PRKD1: variants seen among roughly 807,000 people sequenced by gnomAD.
The protein encoded by PRKD1 is serine/threonine-protein kinase D1.
Under a neutral mutation model 95.9 loss-of-function variants are expected in PRKD1, and 63 were observed. The ratio of observed to expected loss-of-function variants is 0.66; its 90% CI spans 0.54 to 0.81. The LOEUF is 0.81. Among genes scored for constraint, PRKD1 ranks in the 30% least tolerant of loss-of-function variants. The pLI, the probability that PRKD1 is intolerant of heterozygous loss-of-function variation, is 0.00. For missense variants in PRKD1, 1,048 were observed against 1,165.3 expected (o/e 0.90, Z 1.47); for synonymous variants, 425 against 423.1 (o/e 1.00, Z -0.05).
intron 1 of PRKD1, among the ~76,000 whole-genome samples, chr14:29,890,661 C>G (rs953262307): frequency 1.3e-5 from 2 of 151,936 alleles, no homozygotes; most frequent in Non-Finnish European, 2.9e-5. Context: ...TAATACATTC[C>G]AAGCATATTC....
At chr14:29,913,279 C>G (rs559785896) in intron 1 of PRKD1, among the ~76,000 whole-genome samples, 1 of 152,280 alleles carries the variant, frequency 6.6e-6, no homozygotes, top group South Asian at 2.1e-4. Flanking sequence ...TTTTACCTTT[C>G]TCCTTAAATG....
intron 1 of PRKD1, among the ~76,000 whole-genome samples, chr14:29,841,088 G>A (rs1024302409): frequency 5.9e-5 from 9 of 152,152 alleles, no homozygotes; most frequent in African/African-American, 1.4e-4. Context: ...TCTTTTGGCC[G>A]ATTTCTCTCA....
intron 1 of PRKD1, among the ~76,000 whole-genome samples, chr14:29,775,316 G>A (rs1364958577): frequency 6.6e-6 from 1 of 152,190 alleles, no homozygotes; most frequent in Non-Finnish European, 1.5e-5. Context: ...AGTGGGTGCA[G>A]CCCACCGAAT....
At chr14:29,879,423 C>T (rs1893424113) in intron 1 of PRKD1, among the ~76,000 whole-genome samples, 1 of 152,158 alleles carries the variant, frequency 6.6e-6, no homozygotes, top group East Asian at 1.9e-4. Context: ...CTCTTGCTGC[C>T]ACCACGTAAG....
intron 1 of PRKD1, among the ~76,000 whole-genome samples, chr14:29,871,986 A>G (rs1372618510): frequency 6.6e-6 from 1 of 152,250 alleles, no homozygotes; most frequent in Non-Finnish European, 1.5e-5. Context: ...ATTCACCTGC[A>G]TATATGGAAA....
At chr14:29,914,866 G>T (rs181386079) in intron 1 of PRKD1, among the ~76,000 whole-genome samples, 2 of 151,520 alleles carry the variant, frequency 1.3e-5, no homozygotes, top group African/African-American at 4.9e-5. Flanking sequence ...TCCGCCTCCC[G>T]GGTTCACGCC....
At position 29,577,292 on chromosome 14, in the gene PRKD1, A is replaced by G; in HGVS notation, c.2685T>C (p.Pro895=). Residue 895 remains proline, a synonymous_variant, in exon 18 of 18, where the codon CCT becomes CCC. Transcript: ENST00000331968. ...INPSASHSDT[P]ETEETEMKAL... is the part of the protein sequence containing the mutation. Reference sequence around the variant, plus strand: ...CTTTCATTTCTGTTTCTTCAGTCTCAGGAGTGTCACTGTGGCTAGCACTTG... The same window carrying G: ...CTTTCATTTCTGTTTCTTCAGTCTCGGGAGTGTCACTGTGGCTAGCACTTG... The G allele has an allele frequency of 6.2e-7, 1 of 1,613,832 alleles. No homozygotes were observed. Among genetic ancestry groups the G allele is most frequent in the Admixed American group, 1.7e-5 (1 of 59,966 alleles).
chr14:29,605,553 C>A (rs1893675022), intron 13 of PRKD1, among the ~76,000 whole-genome samples: 1 of 152,150 alleles, frequency 6.6e-6, no homozygotes, highest in Admixed American at 6.5e-5. Context: ...TCTTGGATGT[C>A]TCTCTACTCT....
chr14:29,829,501 G>A (rs1223800002), intron 1 of PRKD1, among the ~76,000 whole-genome samples: 1 of 152,142 alleles, frequency 6.6e-6, no homozygotes, highest in East Asian at 1.9e-4. Context: ...TTTTGATGAT[G>A]TGCTTTTTAA....
intron 4 of PRKD1, among the ~76,000 whole-genome samples, chr14:29,650,013 C>T (rs1281073573): frequency 6.6e-6 from 1 of 152,202 alleles, no homozygotes; most frequent in Non-Finnish European, 1.5e-5. Flanking sequence ...ATACACTTCC[C>T]TGCTTCCAGC....
intron 4 of PRKD1, among the ~76,000 whole-genome samples, chr14:29,647,046 C>T (rs563148478): frequency 6.6e-6 from 1 of 152,030 alleles, no homozygotes; most frequent in South Asian, 2.1e-4. Flanking sequence ...TAATCAACAC[C>T]TTTTCACAAC....
intron 2 of PRKD1, among the ~76,000 whole-genome samples, chr14:29,692,645 AC>A (rs1208684226): frequency 6.6e-6 from 1 of 152,022 alleles, no homozygotes; most frequent in Non-Finnish European, 1.5e-5. Flanking sequence ...ATTACAGGAA[AC>A]ATTATGTACC....
At position 29,702,268 on chromosome 14, in the gene PRKD1, G is replaced by C. The variant is rs2139330076; in HGVS notation, c.403+23268C>G. Among the ~76,000 whole-genome samples the C allele has an allele frequency of 1.3e-5, 2 of 152,170 alleles. 1 individual carries two copies. Among genetic ancestry groups the C allele is most frequent in the Middle Eastern group, 6.8e-3 (2 of 292 alleles). ...TAAGTTTAATTTCTTAGGTTTAACTGTCAAACTGTGTAGAAAACAGTTATT... is the reference window on the plus strand; with the variant it reads ...TAAGTTTAATTTCTTAGGTTTAACTCTCAAACTGTGTAGAAAACAGTTATT... On this transcript the variant is annotated intron_variant, in intron 2 of 17. Coordinates refer to ENST00000331968, the MANE Select transcript of PRKD1 (RefSeq NM_002742.3).
intron 1 of PRKD1, among the ~76,000 whole-genome samples, chr14:29,891,585 C>A (rs1893937937): frequency 6.6e-6 from 1 of 151,960 alleles, no homozygotes; most frequent in African/African-American, 2.4e-5. Context: ...TGAATAGGAC[C>A]ATGCTCTCCT....
intron 2 of PRKD1, among the ~76,000 whole-genome samples, chr14:29,666,550 TCTTA>T (rs979658625): frequency 6.6e-5 from 10 of 152,100 alleles, no homozygotes; most frequent in African/African-American, 2.2e-4. Context: ...TTACTTTTTC[TCTTA>T]CTTAAATGAG....
At position 29,871,069 on chromosome 14, in the gene PRKD1, G is replaced by A. The variant is rs183342089; in HGVS notation, c.264+56180C>T. Among the ~76,000 whole-genome samples the A allele has an allele frequency of 2.3e-3, 354 of 152,154 alleles. 6 individuals are homozygous for A. Among genetic ancestry groups the A allele is most frequent in the Non-Finnish European group, 4.3e-4 (29 of 68,010 alleles). On this transcript the variant is annotated intron_variant, in intron 1 of 17. Coordinates refer to ENST00000331968, the MANE Select transcript of PRKD1 (RefSeq NM_002742.3). ...TGGCAGTGCTCTTGCCACATGAATCGCTCATCTGCCCAGGATGTTTTGCCA... is the reference window on the plus strand; with the variant it reads ...TGGCAGTGCTCTTGCCACATGAATCACTCATCTGCCCAGGATGTTTTGCCA...
At chr14:29,764,043 T>G (rs1888149181) in intron 1 of PRKD1, among the ~76,000 whole-genome samples, 1 of 152,202 alleles carries the variant, frequency 6.6e-6, no homozygotes, top group South Asian at 2.1e-4. Flanking sequence ...AGAGTTTTTT[T>G]TTCTTTTACA....
chr14:29,641,833 T>C (rs1880787084), intron 4 of PRKD1, among the ~76,000 whole-genome samples: 1 of 151,926 alleles, frequency 6.6e-6, no homozygotes, highest in African/African-American at 2.4e-5. Context: ...TATTTATCAA[T>C]ATTTACCTAA....
chr14:29,903,792 T>C (rs900226442), intron 1 of PRKD1, among the ~76,000 whole-genome samples: 13 of 152,230 alleles, frequency 8.5e-5, no homozygotes, highest in South Asian at 2.1e-4. Context: ...GAAGATGGTA[T>C]AGGAAGTCCA....
Sources: gnomAD v4.1 joint callset for allele counts (sites outside exome capture counted in the v4.1 genomes callset) on GRCh38, gnomAD v4.1.1 for gene constraint, MANE v1.5 for transcripts, NCBI Gene and HGNC (gene_info 2026-07-23, HGNC 2026-07-21) for gene names.